The following RUNX1 variants were observed in gnomAD, a reference collection of about 807,000 sequenced individuals.
The protein encoded by RUNX1 is RUNX family transcription factor 1, also known as runt-related transcription factor 1.
RUNX1 carries 19 observed loss-of-function variants against 42.8 expected under a neutral mutation model. The ratio of observed to expected loss-of-function variants is 0.44; its 90% confidence interval spans 0.31 to 0.65. The LOEUF (loss-of-function observed/expected upper bound fraction) is 0.65. Among genes scored for constraint, RUNX1 ranks in the 30% least tolerant of loss-of-function variants. The pLI is 0.07. For missense variants in RUNX1, 528 were observed against 672.0 expected (o/e 0.79, Z 2.37); for synonymous variants, 271 against 289.4 (o/e 0.94, Z 0.64).
chr21:35,031,952 C>T (rs1206943561), intron 2 of RUNX1, among the ~76,000 whole-genome samples: 2 of 152,192 alleles, frequency 1.3e-5, no homozygotes, highest in African/African-American at 4.8e-5. Context: ...AAAGAATGAA[C>T]CTCAACACAG....
intron 6 of RUNX1, among the ~76,000 whole-genome samples, chr21:34,838,724 C>T (rs1430790109): frequency 6.6e-6 from 1 of 152,028 alleles, no homozygotes; most frequent in Non-Finnish European, 1.5e-5. Flanking sequence ...TTCCTGGTAT[C>T]ACAGTCTAAC....
chr21:35,009,007 T>G (rs1479233576), intron 2 of RUNX1, among the ~76,000 whole-genome samples: 1 of 152,124 alleles, frequency 6.6e-6, no homozygotes, highest in Non-Finnish European at 1.5e-5. Flanking sequence ...GGAGAGCAGG[T>G]CGTGTGTGTG....
At chr21:34,881,503 G>C (rs1005676761) in intron 4 of RUNX1, among the ~76,000 whole-genome samples, 1 of 152,100 alleles carries the variant, frequency 6.6e-6, no homozygotes, top group African/African-American at 2.4e-5. Context: ...TCAGAAAGAC[G>C]GGACATTCAC....
At chr21:35,033,263 C>G (rs1205396580) in intron 2 of RUNX1, among the ~76,000 whole-genome samples, 3 of 152,234 alleles carry the variant, frequency 2.0e-5, no homozygotes, top group Non-Finnish European at 4.4e-5. Context: ...TCTCAAATTG[C>G]TCAGAGTCTC....
chr21:34,809,952 G>A (rs964874804), intron 7 of RUNX1, among the ~76,000 whole-genome samples: 5 of 152,220 alleles, frequency 3.3e-5, no homozygotes, highest in Admixed American at 3.3e-4. Context: ...ATGGAGATCT[G>A]TTCCACACAG....
intron 2 of RUNX1, among the ~76,000 whole-genome samples, chr21:34,911,337 C>T (rs767619891): frequency 7.9e-5 from 12 of 152,206 alleles, no homozygotes; most frequent in Admixed American, 1.3e-4. Flanking sequence ...CTGCCACCTG[C>T]GTCTATTACC....
rs78964727 is a variant in RUNX1 at position 34,918,520 on chromosome 21, C to T, written c.59-25557G>A. Reference sequence around the variant, plus strand: ...TTATATATTGTGCTGCCATGGATGCCCTTGATTTTATTCTTTGTTAGGAAG... The same window carrying T: ...TTATATATTGTGCTGCCATGGATGCTCTTGATTTTATTCTTTGTTAGGAAG... On this transcript the variant is annotated intron_variant, in intron 2 of 8. Coordinates refer to ENST00000675419, the MANE Select transcript of RUNX1 (RefSeq NM_001754.5). Among the ~76,000 whole-genome samples the T allele has an allele frequency of 3.6e-3, 550 of 152,198 alleles. 1 individual carries two copies. Among genetic ancestry groups the T allele is most frequent in the African/African-American group, 0.013 (535 of 41,530 alleles).
chr21:34,886,019 G>C (rs2057979792), intron 4 of RUNX1, among the ~76,000 whole-genome samples: 2 of 151,972 alleles, frequency 1.3e-5, no homozygotes, highest in South Asian at 4.1e-4. Flanking sequence ...GGGATGATCA[G>C]GGGTGAAAAG....
intron 2 of RUNX1, among the ~76,000 whole-genome samples, chr21:34,894,589 C>A (rs758892342): frequency 6.6e-6 from 1 of 152,016 alleles, no homozygotes; most frequent in Non-Finnish European, 1.5e-5. Context: ...GATGCCAGAA[C>A]CCAAACTGCA....
At chr21:34,905,740 T>G (rs181737100) in intron 2 of RUNX1, among the ~76,000 whole-genome samples, 1 of 152,304 alleles carries the variant, frequency 6.6e-6, no homozygotes, top group Admixed American at 6.5e-5. Context: ...CAACAAAAGT[T>G]AATACTTCCT....
chr21:34,925,424 A>G (rs1249390850), intron 2 of RUNX1, among the ~76,000 whole-genome samples: 2 of 152,182 alleles, frequency 1.3e-5, no homozygotes, highest in African/African-American at 4.8e-5. Context: ...CTAATCCAAG[A>G]TGACTGGTGT....
intron 2 of RUNX1, among the ~76,000 whole-genome samples, chr21:35,042,004 G>A (rs188973204): frequency 5.3e-5 from 8 of 152,230 alleles, no homozygotes; most frequent in African/African-American, 1.7e-4. Flanking sequence ...GATGGGGGGC[G>A]GGAAGCAACT....
intron 2 of RUNX1, among the ~76,000 whole-genome samples, chr21:34,982,397 G>GTGTGTGTGTGTGT (rs1555912096): frequency 1.3e-5 from 2 of 148,218 alleles, no homozygotes; most frequent in Non-Finnish European, 3.0e-5. Flanking sequence ...AGTCAAAAGG[G>GTGTGTGTGTGTGT]GTGTGTGTGT....
intron 2 of RUNX1, among the ~76,000 whole-genome samples, chr21:34,988,409 C>T (rs148341224): frequency 1.4e-3 from 220 of 152,282 alleles, no homozygotes; most frequent in African/African-American, 5.2e-3. Flanking sequence ...AGGACCAGGG[C>T]GGTGCAGATC....
chr21:34,953,820 T>C (rs761713258), intron 2 of RUNX1, among the ~76,000 whole-genome samples: 39 of 152,084 alleles, frequency 2.6e-4, no homozygotes, highest in Non-Finnish European at 4.6e-4. Flanking sequence ...TGGGGAGCAT[T>C]CCAGAGAGAG....
intron 2 of RUNX1, among the ~76,000 whole-genome samples, chr21:34,985,729 T>C (rs2058880953): frequency 6.6e-6 from 1 of 152,250 alleles, no homozygotes; most frequent in African/African-American, 2.4e-5. Flanking sequence ...TTTTATTCAC[T>C]CATATTTTAT....
At chr21:34,913,043 C>A (rs746508135) in intron 2 of RUNX1, among the ~76,000 whole-genome samples, 3 of 152,134 alleles carry the variant, frequency 2.0e-5, no homozygotes, top group Non-Finnish European at 4.4e-5. Context: ...CCAGCCTGGT[C>A]AACATAGTGA....
Position 35,035,174 on chromosome 21 carries a change from G to A in RUNX1, c.58+13668C>T, listed in dbSNP as rs563898548. On this transcript the variant is annotated intron_variant, in intron 2 of 8. Transcript: ENST00000675419. ...TCCATGATGATAGCGACCATGTATCGGGCAGCATATTCTATGTATTTCTGA... is the reference window on the plus strand; with the variant it reads ...TCCATGATGATAGCGACCATGTATCAGGCAGCATATTCTATGTATTTCTGA... 5.3e-5 allele frequency among the ~76,000 whole-genome samples: 8 copies of A among 152,186 alleles called. No individual in the cohort carries two copies. In the South Asian group the frequency reaches 6.2e-4, roughly 12 times the overall value.
intron 2 of RUNX1, among the ~76,000 whole-genome samples, chr21:35,000,236 C>CTTTTTTT (rs397866864): frequency 4.1e-4 from 45 of 110,960 alleles, no homozygotes; most frequent in Non-Finnish European, 5.3e-4. Context: ...TTCTTTCTTT[C>CTTTTTTT]TTTTTTTTTT....
Sources: allele counts gnomAD v4.1 joint callset (sites outside exome capture counted in the v4.1 genomes callset), GRCh38; gene constraint gnomAD v4.1.1; transcripts MANE v1.5; gene names NCBI Gene and HGNC (gene_info 2026-07-23, HGNC 2026-07-21).